IBSP: variants seen among roughly 807,000 people sequenced by gnomAD.
IBSP encodes integrin binding sialoprotein.
Under a neutral mutation model 25.5 loss-of-function variants are expected in IBSP, and 19 were observed. That is an observed-to-expected ratio of 0.74 (90% CI 0.52 to 1.09). The LOEUF is 1.09. Ranked by LOEUF, IBSP falls within the 50% of genes least tolerant of loss-of-function variation. IBSP has a pLI of 0.00. For missense variants in IBSP, 360 were observed against 382.3 expected (o/e 0.94, Z 0.49); for synonymous variants, 144 against 137.6 (o/e 1.05, Z -0.33).
chr4:87,809,335 G>A (rs890188260), intron 5 of IBSP, among the ~76,000 whole-genome samples: 2 of 152,172 alleles, frequency 1.3e-5, no homozygotes, highest in African/African-American at 4.8e-5. Flanking sequence ...GCCTTTAGTT[G>A]TGACCCTACC....
intron 1 of IBSP, among the ~76,000 whole-genome samples, chr4:87,801,503 C>G (rs113906427): frequency 7.2e-6 from 1 of 139,786 alleles, no homozygotes; most frequent in Non-Finnish European, 1.6e-5. Flanking sequence ...CACACACACA[C>G]ACACACACAC....
At chr4:87,809,058 T>C (rs12505482) in intron 5 of IBSP, among the ~76,000 whole-genome samples, 37,054 of 152,104 alleles carry the variant, frequency 0.24, 5,753 homozygotes, top group South Asian at 0.33. Context: ...TCAGGTAAAC[T>C]CTCACCATCC....
At position 87,811,780 on chromosome 4, in the gene IBSP, A is replaced by G. The variant is rs1302732223; in HGVS notation, c.824A>G (p.Tyr275Cys). The change falls in exon 7 of 7, where the codon TAT becomes TGT. Residue 275 changes from tyrosine to cysteine, a missense_variant. Tyr to Cys is a radical substitution (Grantham distance 194, BLOSUM62 -2). Transcript: ENST00000226284. ...GGCGCCAATGAATACGACAATGGAT[A>G]TGAAATCTATGAAAGTGAGAACGGG... ...YTGANEYDNGYEIYESENGEP... is the reference protein window; with the variant it reads ...YTGANEYDNGCEIYESENGEP... 3 of 1,613,790 alleles carry G rather than the reference A, an allele frequency of 1.9e-6. No individual in the cohort carries two copies. The highest frequency in any genetic ancestry group is 1.7e-6 in the Non-Finnish European group (2 of 1,179,856).
intron 1 of IBSP, among the ~76,000 whole-genome samples, chr4:87,800,507 G>A (rs1031653917): frequency 1.6e-4 from 25 of 152,066 alleles, no homozygotes; most frequent in African/African-American, 5.1e-4. Flanking sequence ...TTTGCTGATG[G>A]GCTTGGTCAC....
Position 87,810,606 on chromosome 4 carries a change from G to C in IBSP, c.247G>C (p.Glu83Gln). 1 of 1,605,194 alleles carries C rather than the reference G, an allele frequency of 6.2e-7. No homozygotes were observed. Among genetic ancestry groups the C allele is most frequent in the Non-Finnish European group, 8.5e-7 (1 of 1,172,352 alleles). The change falls in exon 6 of 7, where the codon GAG becomes CAG. Residue 83 changes from glutamate (E) to glutamine (Q), a missense_variant and splice_region_variant. Transcript: ENST00000226284. ...DSSEEEEEEE[E>Q]TSNEGENNEE... ...TTCTTACTATGAATATTTTTAACAG[G>C]AGACTTCAAATGAAGGAGAAAACAA...
intron 1 of IBSP, among the ~76,000 whole-genome samples, chr4:87,800,435 C>G: frequency 6.6e-6 from 1 of 152,234 alleles, no homozygotes; most frequent in East Asian, 1.9e-4. Context: ...GCTTTTAGCT[C>G]TTTAAAATAT....
At chr4:87,807,050 G>A (rs552153260) in intron 5 of IBSP, among the ~76,000 whole-genome samples, 8 of 151,884 alleles carry the variant, frequency 5.3e-5, no homozygotes, top group South Asian at 4.2e-4. Context: ...ACGTCTTTTT[G>A]GGTAGTAATA....
chr4:87,812,090 T>G lies in IBSP; in HGVS notation c.*180T>G, dbSNP rs1722187803. On this transcript the variant is annotated 3_prime_UTR_variant, in exon 7 of 7. Coordinates refer to ENST00000226284, the MANE Select transcript of IBSP (RefSeq NM_004967.4). ...ATAGGCTTCTTGTCCCTTTTTTTTC[T>G]GGCATGTTATGGAATGATCATTGTA... The G allele has an allele frequency of 2.0e-6, 1 of 502,832 alleles. No homozygotes were observed. The highest frequency in any genetic ancestry group is 3.2e-5 in the East Asian group (1 of 30,952). 31.1% of individuals were successfully genotyped at this position (502,832 alleles called of 1,614,324 possible).
Position 87,811,342 on chromosome 4 carries a change from T to TTTCAAACG in IBSP, c.406-17_406-10dup. The TTTCAAACG allele has an allele frequency of 6.3e-7, 1 of 1,578,054 alleles. No individual in the cohort carries two copies. The highest frequency in any genetic ancestry group is 8.6e-7 in the Non-Finnish European group (1 of 1,166,288). ...ATTTTTCACAGCTAGATTTGGGTTC[T>TTTCAAACG]TTCAAACGTTTCCTTACAGGCTGGG... On this transcript the variant is annotated intron_variant, in intron 6 of 6. Transcript: ENST00000226284.
chr4:87,811,989 A>C lies in IBSP; in HGVS notation c.*79A>C, dbSNP rs1578045585. Reference sequence around the variant, plus strand: ...TTCGAAGTTCAACTCAGGAAGGTGCAATATAACAAATGTGCATATTATAAT... The same window carrying C: ...TTCGAAGTTCAACTCAGGAAGGTGCCATATAACAAATGTGCATATTATAAT... On this transcript the variant is annotated 3_prime_UTR_variant, in exon 7 of 7. Coordinates refer to ENST00000226284, the MANE Select transcript of IBSP (RefSeq NM_004967.4). 1 of 1,108,400 alleles carries C rather than the reference A, an allele frequency of 9.0e-7. No homozygotes were observed. Among genetic ancestry groups the C allele is most frequent in the East Asian group, 2.4e-5 (1 of 41,030 alleles). The allele number at this position is 1,108,400 out of a possible 1,614,324, so 68.7% of individuals were successfully genotyped here.
At chr4:87,805,726 C>G (rs1284868779) in intron 4 of IBSP, among the ~76,000 whole-genome samples, 1 of 152,172 alleles carries the variant, frequency 6.6e-6, no homozygotes, top group Non-Finnish European at 1.5e-5. Flanking sequence ...GCCGCTGATT[C>G]ATTCTCCATA....
intron 5 of IBSP, 76 bp downstream of exon 5, chr4:87,806,260 T>G: frequency 9.1e-7 from 1 of 1,098,392 alleles, no homozygotes; most frequent in Non-Finnish European, 1.4e-6. Flanking sequence ...TATTGCATTC[T>G]GGACTCAGCA....
intron 4 of IBSP, 80 bp from the exon 5 acceptor site, chr4:87,806,042 C>A: frequency 9.5e-7 from 1 of 1,051,964 alleles, no homozygotes; most frequent in South Asian, 1.4e-5. Flanking sequence ...TATTGTGATT[C>A]AATTAGCAGG....
chr4:87,810,887 T>A, intron 6 of IBSP, 123 bp downstream of exon 6: 2 of 728,222 alleles, frequency 2.7e-6, no homozygotes, highest in Non-Finnish European at 4.4e-6. Flanking sequence ...ACATAGTATT[T>A]TATACTATCT....
chr4:87,806,300 A>G (rs1722089028), intron 5 of IBSP, 116 bp downstream of exon 5: 1 of 738,224 alleles, frequency 1.4e-6, no homozygotes, highest in Non-Finnish European at 2.3e-6. Flanking sequence ...CTAACTGCCC[A>G]TAATATCCTA....
chr4:87,810,513 T>A, intron 5 of IBSP, 93 bp from the exon 6 acceptor site: 1 of 1,042,722 alleles, frequency 9.6e-7, no homozygotes, highest in Non-Finnish European at 1.4e-6. Flanking sequence ...TTTTTCCAAA[T>A]AATAAACCTT....
chr4:87,804,793 C>T (rs563088692), intron 4 of IBSP, among the ~76,000 whole-genome samples: 3 of 152,268 alleles, frequency 2.0e-5, no homozygotes, highest in South Asian at 4.1e-4. Context: ...ACTGCAGACA[C>T]TAATCGAAGA....
chr4:87,801,662 G>T (rs1183848495), intron 1 of IBSP, among the ~76,000 whole-genome samples: 1 of 151,966 alleles, frequency 6.6e-6, no homozygotes, highest in Non-Finnish European at 1.5e-5. Flanking sequence ...TTGCTTTTTT[G>T]TTTTATTTTT....
intron 1 of IBSP, among the ~76,000 whole-genome samples, chr4:87,801,384 C>T (rs151184359): frequency 8.2e-4 from 125 of 152,046 alleles, no homozygotes; most frequent in African/African-American, 2.9e-3. Context: ...GCATCCTTAG[C>T]GGAGTTGCTG....
Sources: gnomAD v4.1 joint callset for allele counts (sites outside exome capture counted in the v4.1 genomes callset) on GRCh38, gnomAD v4.1.1 for gene constraint, MANE v1.5 for transcripts, NCBI Gene and HGNC (gene_info 2026-07-23, HGNC 2026-07-21) for gene names.